DCTN5: variants seen among roughly 807,000 people sequenced by gnomAD.
DCTN5 encodes the protein dynactin 4.
A neutral mutation model predicts 23.5 loss-of-function variants in DCTN5; 14 were observed. The observed-to-expected ratio is 0.60, with a 90% CI of 0.39 to 0.93. The LOEUF (loss-of-function observed/expected upper bound fraction) is 0.93. Ranked by LOEUF, DCTN5 falls within the 40% of genes least tolerant of loss-of-function variation. The probability of loss-of-function intolerance (pLI) is 0.00; values close to 1 mark genes in which losing one functional copy is unlikely to be tolerated. For synonymous variants in DCTN5, 67 were observed against 79.6 expected, an observed-to-expected ratio of 0.84 and a Z score of 0.84; for missense variants, 156 against 225.9, an observed-to-expected ratio of 0.69 and a Z score of 1.98.
intron 4 of DCTN5, among the ~76,000 whole-genome samples, chr16:23,663,133 G>A (rs1050378705): frequency 6.6e-6 from 1 of 152,174 alleles, no homozygotes; most frequent in African/African-American, 2.4e-5. Context: ...CTTAATTTCC[G>A]TTTGGATATG....
At chr16:23,647,139 T>G (rs1290378182) in intron 2 of DCTN5, among the ~76,000 whole-genome samples, 1 of 138,692 alleles carries the variant, frequency 7.2e-6, no homozygotes, top group Non-Finnish European at 1.5e-5. Flanking sequence ...TTTCTGGTTT[T>G]TTTTTTTTTT....
chr16:23,662,051 T>C (rs894991155), intron 4 of DCTN5, among the ~76,000 whole-genome samples: 3 of 137,946 alleles, frequency 2.2e-5, no homozygotes, highest in Non-Finnish European at 3.2e-5. Context: ...CCCTTTCTCT[T>C]AAAAAAAAAA....
chr16:23,666,736 G>C lies in DCTN5; in HGVS notation c.452-311G>C, dbSNP rs183345815. 1.3e-5 allele frequency: 6 copies of C among 468,578 alleles called. No homozygotes were observed. The Admixed American group carries it at 2.3e-4, about 18-fold the overall frequency. 29.0% of individuals were successfully genotyped at this position (468,578 alleles called of 1,614,324 possible). ...TCTCATCTCTCAGATCATTGAATCT[G>C]AGTTTCTAAGATGAACAAAATCATC... On this transcript the variant is annotated intron_variant, in intron 5 of 5. Transcript: ENST00000300087.
intron 4 of DCTN5, among the ~76,000 whole-genome samples, chr16:23,662,802 T>G (rs540180231): frequency 6.6e-6 from 1 of 152,210 alleles, no homozygotes; most frequent in Non-Finnish European, 1.5e-5. Context: ...AGTGAAGATA[T>G]CACCCCAGTA....
chr16:23,662,165 T>C (rs1304469692), intron 4 of DCTN5, among the ~76,000 whole-genome samples: 1 of 152,176 alleles, frequency 6.6e-6, no homozygotes, highest in South Asian at 2.1e-4. Context: ...GGCCTACTTA[T>C]TGCCTTACTT....
intron 4 of DCTN5, among the ~76,000 whole-genome samples, chr16:23,664,942 G>A (rs941461963): frequency 6.6e-6 from 1 of 152,128 alleles, no homozygotes; most frequent in South Asian, 2.1e-4. Flanking sequence ...TTAATGTCAC[G>A]GCCAAATGGC....
Position 23,657,429 on chromosome 16 carries a change from C to T in DCTN5, c.118-1078C>T, listed in dbSNP as rs199943031. ...TATGATTGTGGCACTGCACTGCAGC[C>T]TGGGCAACAGAGTGAGACCCTGTGT... On this transcript the variant is annotated intron_variant, in intron 2 of 5. Coordinates refer to ENST00000300087, the MANE Select transcript of DCTN5 (RefSeq NM_032486.4). 8.4e-5 allele frequency: 34 copies of T among 403,224 alleles called. 1 individual carries two copies. In the East Asian group the frequency reaches 2.9e-3, roughly 34 times the overall value. 25.0% of individuals were successfully genotyped at this position (403,224 alleles called of 1,614,324 possible).
intron 2 of DCTN5, among the ~76,000 whole-genome samples, chr16:23,644,589 C>A (rs991345811): frequency 6.6e-6 from 1 of 151,546 alleles, no homozygotes; most frequent in East Asian, 2.0e-4. Flanking sequence ...CGTGAGCCAC[C>A]GCGCCTGGCC....
At chr16:23,646,839 G>A (rs533949351) in intron 2 of DCTN5, among the ~76,000 whole-genome samples, 1 of 152,292 alleles carries the variant, frequency 6.6e-6, no homozygotes, top group Non-Finnish European at 1.5e-5. Context: ...GCGTCCCAAA[G>A]TGCCGGGATT....
At chr16:23,666,892 G>A (rs1359610580) in intron 5 of DCTN5, 155 bp from the exon 6 acceptor site, 8 of 1,255,862 alleles carry the variant, frequency 6.4e-6, no homozygotes, top group Non-Finnish European at 8.6e-6. Context: ...AAGTTTAGCT[G>A]TTCTTAGCAA....
chr16:23,665,732 A>T lies in DCTN5; in HGVS notation c.451+4A>T. On this transcript the variant is annotated splice_donor_region_variant and intron_variant, in intron 5 of 5. Coordinates refer to ENST00000300087, the MANE Select transcript of DCTN5 (RefSeq NM_032486.4). ...ACTGTCTTCTCAGGCTGCCCAGGTAACCTTGGCTGTTGATTAATTTTATTT... is the reference window on the plus strand; with the variant it reads ...ACTGTCTTCTCAGGCTGCCCAGGTATCCTTGGCTGTTGATTAATTTTATTT... 6.2e-7 allele frequency: 1 copy of T among 1,609,282 alleles called. No individual in the cohort carries two copies. The highest frequency in any genetic ancestry group is 8.5e-7 in the Non-Finnish European group (1 of 1,177,638).
intron 2 of DCTN5, among the ~76,000 whole-genome samples, chr16:23,648,394 G>T (rs1331774870): frequency 6.8e-6 from 1 of 147,042 alleles, no homozygotes; most frequent in Non-Finnish European, 1.5e-5. Context: ...GTGTCGCCTG[G>T]GCTAAAGTGC....
chr16:23,665,817 T>G (rs1359748858), intron 5 of DCTN5, 89 bp downstream of exon 5: 2 of 1,076,844 alleles, frequency 1.9e-6, no homozygotes, highest in Non-Finnish European at 2.8e-6. Context: ...GATTCCTATC[T>G]CTGGCAATAT....
In DCTN5 at chr16:23,674,187, A is replaced by G. The variant is rs890276501; in HGVS notation, c.*7043A>G. 8 of 152,190 alleles carry G rather than the reference A, an allele frequency of 5.3e-5. No homozygotes were observed. The highest frequency in any genetic ancestry group is 1.7e-4 in the African/African-American group (7 of 41,432). 9.4% of individuals were successfully genotyped at this position (152,190 alleles called of 1,614,324 possible). ...GAGCTATGCTGAACTGAAAGCAGGC[A>G]CAGGCTCAATGACCAGGACTCAGAC... On this transcript the variant is annotated 3_prime_UTR_variant, in exon 6 of 6. Coordinates refer to ENST00000300087, the MANE Select transcript of DCTN5 (RefSeq NM_032486.4).
intron 5 of DCTN5, among the ~76,000 whole-genome samples, chr16:23,666,219 AT>A (rs1967903031): frequency 6.6e-6 from 1 of 152,198 alleles, no homozygotes; most frequent in African/African-American, 2.4e-5. Flanking sequence ...TGTCTAGAGA[AT>A]TTTAGTACTG....
At position 23,645,111 on chromosome 16, in the gene DCTN5, ATATATATATATATATATATATATATATT is replaced by A. The variant is rs1474593382; in HGVS notation, c.117+2090_117+2117del. Reference sequence around the variant, plus strand: ...TATATATATATATATATATATATATATATATATATATATATATATATATATATTTTTTTTTTTTTTAATACGCAGTTTT... The same window carrying A: ...TATATATATATATATATATATATATATTTTTTTTTTTTAATACGCAGTTTT... On this transcript the variant is annotated intron_variant, in intron 2 of 5. Transcript: ENST00000300087. Among the ~76,000 whole-genome samples the A allele has an allele frequency of 2.0e-3, 69 of 34,110 alleles. 3 individuals carry two copies. Among genetic ancestry groups the A allele is most frequent in the Non-Finnish European group, 2.3e-3 (42 of 18,030 alleles). 22.4% of individuals were successfully genotyped at this position (34,110 alleles called of 152,430 possible).
intron 5 of DCTN5, 64 bp downstream of exon 5, chr16:23,665,792 A>T (rs549775369): frequency 7.5e-7 from 1 of 1,327,898 alleles, no homozygotes; most frequent in African/African-American, 1.4e-5. Context: ...TTTCCATCGC[A>T]AAAGTAATGC....
intron 3 of DCTN5, among the ~76,000 whole-genome samples, chr16:23,659,754 G>A (rs1396703484): frequency 1.3e-5 from 2 of 152,124 alleles, no homozygotes; most frequent in African/African-American, 4.8e-5. Context: ...ACAAGAACTG[G>A]ATCGGAGAAT....
intron 4 of DCTN5, among the ~76,000 whole-genome samples, chr16:23,662,362 T>C (rs1254596278): frequency 1.3e-5 from 2 of 152,148 alleles, no homozygotes; most frequent in Non-Finnish European, 2.9e-5. Flanking sequence ...CCCTGGTCCA[T>C]TGGAGCCTAG....
Sources: allele counts gnomAD v4.1 joint callset (sites outside exome capture counted in the v4.1 genomes callset), GRCh38; gene constraint gnomAD v4.1.1; transcripts MANE v1.5; gene names NCBI Gene and HGNC (gene_info 2026-07-23, HGNC 2026-07-21).